Variants in PEX5L observed in about 807,000 individuals in gnomAD.
The protein encoded by PEX5L is PEX5-related protein.
PEX5L carries 30 observed loss-of-function variants against 84.0 expected under a neutral mutation model. That is an observed-to-expected ratio of 0.36 (90% CI 0.27 to 0.48). The LOEUF (loss-of-function observed/expected upper bound fraction) is 0.48, where lower values mean the gene tolerates loss of function less well. PEX5L is among the 20% of genes least tolerant of loss of function. PEX5L has a pLI of 0.99. For missense variants in PEX5L, 533 were observed against 754.6 expected (o/e 0.71, Z 3.44); for synonymous variants, 270 against 283.1 (o/e 0.95, Z 0.46).
At chr3:179,961,195 ATGTGTATGTGTGTGTG>A (rs1781919278) in intron 2 of PEX5L, among the ~76,000 whole-genome samples, 1 of 139,824 alleles carries the variant, frequency 7.2e-6, no homozygotes, top group Non-Finnish European at 1.6e-5. Flanking sequence ...TCACTTGTGT[ATGTGTATGTGTGTGTG>A]TGTGTGTGTG....
At chr3:179,838,922 GA>G (rs1364414914) in intron 8 of PEX5L, among the ~76,000 whole-genome samples, 1 of 151,960 alleles carries the variant, frequency 6.6e-6, no homozygotes, top group African/African-American at 2.4e-5. Context: ...GGCTTTTAAG[GA>G]GAAAAAGTTT....
At chr3:179,873,166 G>T (rs1750954866) in intron 7 of PEX5L, among the ~76,000 whole-genome samples, 1 of 152,184 alleles carries the variant, frequency 6.6e-6, no homozygotes, top group Non-Finnish European at 1.5e-5. Context: ...CCGCGGACAA[G>T]TTTCTTCAGC....
chr3:179,986,517 C>T (rs978504995), intron 1 of PEX5L, among the ~76,000 whole-genome samples: 33 of 151,686 alleles, frequency 2.2e-4, no homozygotes, highest in Non-Finnish European at 2.2e-4. Context: ...ATTCTCCTGC[C>T]TCAGCCTCCC....
At chr3:179,996,061 C>T (rs1003835848) in intron 1 of PEX5L, among the ~76,000 whole-genome samples, 2 of 152,152 alleles carry the variant, frequency 1.3e-5, no homozygotes, top group Admixed American at 6.5e-5. Flanking sequence ...AACTCTGCTG[C>T]CTGAGGTAAG....
At chr3:179,883,830 G>A (rs898453839) in intron 4 of PEX5L, among the ~76,000 whole-genome samples, 7 of 152,054 alleles carry the variant, frequency 4.6e-5, no homozygotes, top group African/African-American at 1.7e-4. Context: ...ACTAAAATAA[G>A]GATAAAACTA....
chr3:179,943,708 G>C (rs1776765731), intron 2 of PEX5L, among the ~76,000 whole-genome samples: 2 of 152,202 alleles, frequency 1.3e-5, no homozygotes, highest in South Asian at 4.1e-4. Flanking sequence ...GTGGCCCGCT[G>C]CTGTCATTAT....
intron 2 of PEX5L, among the ~76,000 whole-genome samples, chr3:179,938,034 C>T (rs1775074715): frequency 6.6e-6 from 1 of 152,080 alleles, no homozygotes. Flanking sequence ...CCACTACCTT[C>T]ACCACCTCCA....
At chr3:180,033,559 T>C (rs1160752881) in intron 1 of PEX5L, among the ~76,000 whole-genome samples, 1 of 152,190 alleles carries the variant, frequency 6.6e-6, no homozygotes, top group Non-Finnish European at 1.5e-5. Flanking sequence ...ACTGGAAATG[T>C]TAACTCAAAT....
chr3:179,874,497 G>C, intron 6 of PEX5L, 74 bp from the exon 7 acceptor site: 1 of 772,462 alleles, frequency 1.3e-6, no homozygotes, highest in Non-Finnish European at 2.2e-6. Context: ...CAAGAAACTA[G>C]GTAATTTGGA....
chr3:179,942,828 T>C (rs1324188225), intron 2 of PEX5L, among the ~76,000 whole-genome samples: 1 of 152,230 alleles, frequency 6.6e-6, no homozygotes, highest in Non-Finnish European at 1.5e-5. Flanking sequence ...TGATCTTTTC[T>C]TCCTCTCTCC....
chr3:179,797,719 G>A lies in PEX5L; in HGVS notation c.*4109C>T, dbSNP rs879464299. The A allele has an allele frequency of 7.3e-5, 11 of 150,756 alleles. No homozygotes were observed. The highest frequency in any genetic ancestry group is 1.2e-4 in the Non-Finnish European group (8 of 67,808). 9.3% of individuals were successfully genotyped at this position (150,756 alleles called of 1,614,324 possible). On this transcript the variant is annotated 3_prime_UTR_variant, in exon 15 of 15. Coordinates refer to ENST00000467460, the MANE Select transcript of PEX5L (RefSeq NM_016559.3). ...GGAAACTGCAGTAAAATGTGGATAC[G>A]AAATGAATTTGAAATTATTTTACAA...
intron 8 of PEX5L, 87 bp from the exon 9 acceptor site, chr3:179,820,063 G>A (rs1032716150): frequency 6.4e-7 from 1 of 1,572,200 alleles, no homozygotes; most frequent in African/African-American, 1.4e-5. Context: ...AGATAAAAGA[G>A]GCTTCTGGGG....
At chr3:180,005,475 T>A (rs1483929078) in intron 1 of PEX5L, among the ~76,000 whole-genome samples, 1 of 152,144 alleles carries the variant, frequency 6.6e-6, no homozygotes, top group East Asian at 1.9e-4. Context: ...ACGCCTGTAA[T>A]CCCAGCACTT....
At chr3:179,888,907 G>T (rs1409323914) in intron 3 of PEX5L, among the ~76,000 whole-genome samples, 1 of 151,794 alleles carries the variant, frequency 6.6e-6, no homozygotes. Flanking sequence ...TGTGACTACA[G>T]GTGTGCACCA....
rs146452100 is a variant in PEX5L at position 180,019,900 on chromosome 3, T to C, written c.21+16679A>G. 2.3e-4 allele frequency among the ~76,000 whole-genome samples: 35 copies of C among 152,322 alleles called. No individual in the cohort carries two copies. The East Asian group carries it at 4.6e-3, about 20-fold the overall frequency. On this transcript the variant is annotated intron_variant, in intron 1 of 14. Coordinates refer to ENST00000467460, the MANE Select transcript of PEX5L (RefSeq NM_016559.3). Reference sequence around the variant, plus strand: ...AAAGCAGAGAATCCAGTATTAAAACTTGGCAACAAATCTGTGAATGTTCTT... The same window carrying C: ...AAAGCAGAGAATCCAGTATTAAAACCTGGCAACAAATCTGTGAATGTTCTT...
chr3:179,909,461 A>G (rs779367496), intron 2 of PEX5L, among the ~76,000 whole-genome samples: 1 of 152,224 alleles, frequency 6.6e-6, no homozygotes, highest in Non-Finnish European at 1.5e-5. Flanking sequence ...CAAAGCAAAG[A>G]CAAGTGTTGA....
At chr3:179,998,062 A>T (rs938989525) in intron 1 of PEX5L, among the ~76,000 whole-genome samples, 1 of 152,198 alleles carries the variant, frequency 6.6e-6, no homozygotes, top group Admixed American at 6.5e-5. Context: ...GTTATTGGTG[A>T]AACATTTGTG....
At chr3:179,824,267 T>C (rs569163828) in intron 8 of PEX5L, among the ~76,000 whole-genome samples, 6 of 152,306 alleles carry the variant, frequency 3.9e-5, no homozygotes, top group East Asian at 3.9e-4. Flanking sequence ...AACTAATCAA[T>C]GTGAGATTAA....
intron 1 of PEX5L, among the ~76,000 whole-genome samples, chr3:180,023,006 A>C (rs1790554263): frequency 6.6e-6 from 1 of 152,224 alleles, no homozygotes; most frequent in South Asian, 2.1e-4. Flanking sequence ...ATGTCCAGAA[A>C]ACTTGCAAAA....
Sources: gnomAD v4.1 joint callset for allele counts (sites outside exome capture counted in the v4.1 genomes callset) on GRCh38, gnomAD v4.1.1 for gene constraint, MANE v1.5 for transcripts, NCBI Gene and HGNC (gene_info 2026-07-23, HGNC 2026-07-21) for gene names.